Variants in HOOK2 observed in about 807,000 individuals in gnomAD.
The protein encoded by HOOK2 is protein Hook homolog 2.
HOOK2 carries 108 observed loss-of-function variants against 111.9 expected under a neutral mutation model. The ratio of observed to expected loss-of-function variants is 0.96; its 90% CI spans 0.83 to 1.13. The LOEUF (loss-of-function observed/expected upper bound fraction) is 1.13. Among genes scored for constraint, HOOK2 ranks in the 50% most tolerant of loss-of-function variants. The pLI, the probability that HOOK2 is intolerant of heterozygous loss-of-function variation, is 0.00. For missense variants in HOOK2, 978 were observed against 951.3 expected (o/e 1.03, Z -0.37); for synonymous variants, 405 against 394.3 (o/e 1.03, Z -0.32).
Position 12,764,802 on chromosome 19 carries a change from C to T in HOOK2, c.1827+12G>A, listed in dbSNP as rs1488882172. 1 of 1,608,992 alleles carries T rather than the reference C, an allele frequency of 6.2e-7. No homozygotes were observed. On this transcript the variant is annotated intron_variant, in intron 20 of 22. Transcript: ENST00000397668. ...AGGGCAGGCAACTTGTGGGAACACC[C>T]AGCGTCCTCACCATGCGGGCCTTGT... is the stretch of plus-strand genomic sequence containing the variant.
At position 12,769,174 on chromosome 19, in the gene HOOK2, C is replaced by T. The variant is rs187867280; in HGVS notation, c.1104+707G>A. ...TAGAGATGGGGTTTCACCGTGTTAGCCAGGATGGTCTCGATCTCCTGACCT... is the reference window on the plus strand; with the variant it reads ...TAGAGATGGGGTTTCACCGTGTTAGTCAGGATGGTCTCGATCTCCTGACCT... On this transcript the variant is annotated intron_variant, in intron 11 of 22. Transcript: ENST00000397668. Among the ~76,000 whole-genome samples the T allele has an allele frequency of 4.0e-3, 603 of 152,058 alleles. 4 individuals carry two copies. The highest frequency in any genetic ancestry group is 0.013 in the African/African-American group (538 of 41,480).
chr19:12,767,907 C>T lies in HOOK2; in HGVS notation c.1216-4G>A, dbSNP rs1968205047. 1.2e-6 allele frequency: 2 copies of T among 1,610,960 alleles called. No homozygotes were observed. Among genetic ancestry groups the T allele is most frequent in the Non-Finnish European group, 8.5e-7 (1 of 1,179,226 alleles). On this transcript the variant is annotated splice_region_variant and splice_polypyrimidine_tract_variant and intron_variant, in intron 12 of 22. Transcript: ENST00000397668. ...AGTCCCGCTCCGCCAACAGCCGCTG[C>T]AGGGACAGGGTACAAGACACTCCAC...
At chr19:12,775,652 G>A (rs931173915), upstream of HOOK2, 4 of 428,836 alleles carry the variant, frequency 9.3e-6, no homozygotes, top group Non-Finnish European at 1.5e-5. Context: ...GCCCGCTCTT[G>A]CCTCCAGCCC....
intron 3 of HOOK2, chr19:12,792,166 A>C: frequency 6.3e-7 from 1 of 1,592,962 alleles, no homozygotes; most frequent in South Asian, 1.1e-5. Flanking sequence ...ACCGAGGAGC[A>C]GGAGGGCTTC....
upstream of HOOK2, among the ~76,000 whole-genome samples, chr19:12,779,867 G>C (rs1193797136): frequency 6.6e-6 from 1 of 152,142 alleles, no homozygotes; most frequent in Non-Finnish European, 1.5e-5. Context: ...ATCCAGGTTG[G>C]GGCCGGGCTT....
intron 11 of HOOK2, 66 bp from the exon 12 acceptor site, chr19:12,768,189 A>C: frequency 1.6e-6 from 2 of 1,241,684 alleles, no homozygotes; most frequent in Non-Finnish European, 1.2e-6. Flanking sequence ...CTGAGTACAA[A>C]TGGTCCCCGA....
Position 12,791,868 on chromosome 19 carries a change from A to G in HOOK2, n.42-17643T>C. On this transcript the variant is annotated intron_variant and non_coding_transcript_variant, in intron 3 of 3. Transcript: ENST00000589765. This position sits in a 1 kb window ranked among gnomAD's most constrained non-coding sequence, Gnocchi z 7.0. The stretch of plus-strand genomic sequence containing the variant: ...TGGTGGCCTCTCTCTACACGACTAC[A>G]AACTCCTGAAACCGAGCCTGGCGGT... 6.2e-7 allele frequency: 1 copy of G among 1,613,544 alleles called. No individual in the cohort carries two copies. The highest frequency in any genetic ancestry group is 8.5e-7 in the Non-Finnish European group (1 of 1,179,888).
At chr19:12,775,691 G>A (rs1456031437), upstream of HOOK2, 3 of 382,480 alleles carry the variant, frequency 7.8e-6, no homozygotes, top group Non-Finnish European at 9.0e-6. Context: ...CACCGTTCGG[G>A]CGCCCGCCCT....
intron 11 of HOOK2, among the ~76,000 whole-genome samples, chr19:12,768,498 A>C (rs11878721): frequency 0.018 from 2,704 of 152,284 alleles, 84 homozygotes; most frequent in African/African-American, 0.062. Context: ...CTTTATTATA[A>C]AATAGGCTTT....
chr19:12,770,208 C>A, intron 10 of HOOK2, 126 bp from the exon 11 acceptor site: 2 of 793,170 alleles, frequency 2.5e-6, no homozygotes, highest in South Asian at 4.2e-5. Context: ...GTGAAGGGGT[C>A]ATGAAAGTTG....
At chr19:12,781,358 G>A (rs1353476616), upstream of HOOK2, among the ~76,000 whole-genome samples, 3 of 150,516 alleles carry the variant, frequency 2.0e-5, no homozygotes, top group Non-Finnish European at 4.4e-5. Flanking sequence ...ACAGAGTCTC[G>A]CTCTGTCGCC....
intron 13 of HOOK2, 141 bp downstream of exon 13, chr19:12,767,675 A>G (rs545355118): frequency 6.5e-5 from 58 of 887,440 alleles, no homozygotes; most frequent in Non-Finnish European, 9.9e-5. Context: ...TCTCTCTTCA[A>G]TTTGACCGTG....
upstream of HOOK2, among the ~76,000 whole-genome samples, chr19:12,777,460 T>A (rs1330164119): frequency 6.6e-6 from 1 of 152,168 alleles, no homozygotes; most frequent in Non-Finnish European, 1.5e-5. Flanking sequence ...AGCCTGGACG[T>A]CAGGGGGGAG....
upstream of HOOK2, among the ~76,000 whole-genome samples, chr19:12,783,220 T>A (rs1282832268): frequency 1.3e-5 from 2 of 151,704 alleles, no homozygotes; most frequent in African/African-American, 4.8e-5. Flanking sequence ...GAGAACCAAG[T>A]TCTGGGGACT....
At chr19:12,771,359 G>A (rs1968322929) in intron 8 of HOOK2, 38 bp downstream of exon 8, 1 of 1,608,802 alleles carries the variant, frequency 6.2e-7, no homozygotes, top group South Asian at 1.1e-5. Flanking sequence ...GCTTGGAGAG[G>A]GGCTACTCAA....
intron 3 of HOOK2, among the ~76,000 whole-genome samples, chr19:12,785,308 A>C (rs886064908): frequency 6.6e-6 from 1 of 151,848 alleles, no homozygotes; most frequent in African/African-American, 2.4e-5. Context: ...ACACACACAC[A>C]CACACACCAG....
intron 18 of HOOK2, chr19:12,765,468 C>T: frequency 1.6e-6 from 1 of 623,390 alleles, no homozygotes; most frequent in Non-Finnish European, 2.8e-6. Context: ...AGAAAGCAGG[C>T]CAGGCGCGGT....
In HOOK2 at chr19:12,765,932, C is replaced by T. The variant is rs951996046; in HGVS notation, c.1594G>A (p.Glu532Lys). 3.1e-6 allele frequency: 5 copies of T among 1,613,920 alleles called. No individual in the cohort carries two copies. The African/African-American group carries it at 4.0e-5, about 13-fold the overall frequency. ...KALQEQGGKT[E>K]DAISILLKRK... ...AGGTGGTGGGTGACACTCACATCTTCAGTCTTGCCCCCCTGCTCCTGCAGG... is the reference window on the plus strand; with the variant it reads ...AGGTGGTGGGTGACACTCACATCTTTAGTCTTGCCCCCCTGCTCCTGCAGG... The change falls in exon 16 of 23, where the codon GAA (glutamate) becomes AAA (lysine). Residue 532 changes from glutamate (E) to lysine (K), a missense_variant. This residue lies in a region of HOOK2 where 277 missense variants were observed against 265.8 expected (regional missense o/e 1.04). Coordinates refer to ENST00000397668, the MANE Select transcript of HOOK2 (RefSeq NM_013312.3).
At position 12,791,395 on chromosome 19, in the gene HOOK2, GC is replaced by G. The variant is rs1206984697; in HGVS notation, n.42-17171del. ...CTTCCCCACGCTCGAGGAGGGGGGC[GC>G]GGGGGCCCGGCTCCGGCGACGGCCA... On this transcript the variant is annotated intron_variant and non_coding_transcript_variant, in intron 3 of 3. Transcript: ENST00000589765. The surrounding 1 kb of genome is among the most constrained non-coding windows in gnomAD (Gnocchi z 7.0). The G allele has an allele frequency of 5.8e-6, 1 of 173,292 alleles. No individual in the cohort carries two copies. The highest frequency in any genetic ancestry group is 1.2e-5 in the Non-Finnish European group (1 of 82,260). 10.7% of individuals were successfully genotyped at this position (173,292 alleles called of 1,614,324 possible). A position where few individuals can be genotyped will look rare whatever the true frequency, so the allele number is the denominator to read the frequency against.
Sources: gnomAD v4.1 joint callset for allele counts (sites outside exome capture counted in the v4.1 genomes callset) on GRCh38, gnomAD v4.1.1 for gene constraint, gnomAD v4.1.1 regional missense constraint, Gnocchi (gnomAD v3.1) non-coding constraint, MANE v1.5 for transcripts, NCBI Gene and HGNC (gene_info 2026-07-23, HGNC 2026-07-21) for gene names.